The following JPT2 variants were observed in gnomAD, a reference collection of about 807,000 sequenced individuals.
JPT2 encodes Jupiter microtubule associated homolog 2.
In JPT2, 9 loss-of-function variants were observed where a neutral mutation model predicts 15.9. The observed-to-expected ratio is 0.57, with a 90% CI of 0.34 to 0.99. The LOEUF is 0.99. JPT2 is among the 50% of genes least tolerant of loss of function. JPT2 has a pLI of 0.02. For synonymous variants in JPT2, 95 were observed against 91.7 expected (o/e 1.04, Z -0.21); for missense variants, 267 against 252.1 (o/e 1.06, Z -0.40).
At position 1,693,289 on chromosome 16, in the gene JPT2, G is replaced by T. The variant is rs1235537877; in HGVS notation, c.336+1304G>T. 2.6e-5 allele frequency among the ~76,000 whole-genome samples: 4 copies of T among 152,212 alleles called. No homozygotes were observed. The East Asian group carries it at 5.8e-4, about 22-fold the overall frequency. On this transcript the variant is annotated intron_variant, in intron 3 of 4. Transcript: ENST00000248098. ...TTTTTGTATTTTTAGAAGAGACAGG[G>T]TTTCACCATGTTGGCCAGGCTGGTC...
intron 1 of JPT2, among the ~76,000 whole-genome samples, chr16:1,679,819 G>C (rs530148066): frequency 6.6e-6 from 1 of 152,112 alleles, no homozygotes; most frequent in South Asian, 2.1e-4. Flanking sequence ...CACTTGGGGA[G>C]GCCGAGGCAG....
chr16:1,697,803 T>C lies in JPT2; in HGVS notation c.337-9T>C. The stretch of plus-strand genomic sequence containing the variant: ...GTGAGTCCTGATTTGGTGGTTTGCC[T>C]TGTTGCAGGATCATGTTTTCTTATG... On this transcript the variant is annotated splice_polypyrimidine_tract_variant and intron_variant, in intron 3 of 4. Transcript: ENST00000248098. 6.2e-7 allele frequency: 1 copy of C among 1,613,796 alleles called. No homozygotes were observed. The highest frequency in any genetic ancestry group is 1.1e-5 in the South Asian group (1 of 90,946).
downstream of JPT2, chr16:1,702,163 T>A (rs1223942344): frequency 6.6e-6 from 3 of 455,970 alleles, no homozygotes; most frequent in African/African-American, 6.0e-5. Context: ...GGTAAACTTC[T>A]CAGACTGTGA....
intron 3 of JPT2, among the ~76,000 whole-genome samples, chr16:1,693,515 C>T (rs558116366): frequency 1.3e-5 from 2 of 152,306 alleles, no homozygotes; most frequent in Admixed American, 6.5e-5. Context: ...TCCTCTACTA[C>T]GTAAAGCACT....
chr16:1,693,338 C>G (rs2037117546), intron 3 of JPT2, among the ~76,000 whole-genome samples: 1 of 152,198 alleles, frequency 6.6e-6, no homozygotes, highest in African/African-American at 2.4e-5. Flanking sequence ...CTCCAGTGAT[C>G]CACCCGCTTC....
At chr16:1,683,545 C>T (rs1217591945) in intron 1 of JPT2, 3 of 1,535,464 alleles carry the variant, frequency 2.0e-6, no homozygotes, top group South Asian at 1.2e-5. Context: ...TGGCATCCAC[C>T]TCCCCCAGCC....
intron 2 of JPT2, chr16:1,689,807 T>A (rs2037092224): frequency 6.6e-6 from 1 of 152,156 alleles, no homozygotes; most frequent in African/African-American, 2.4e-5. Flanking sequence ...TTGTCCAAGG[T>A]CTCACAGTTA....
intron 3 of JPT2, among the ~76,000 whole-genome samples, chr16:1,693,000 C>G (rs1036789128): frequency 1.3e-5 from 2 of 152,218 alleles, no homozygotes; most frequent in Non-Finnish European, 2.9e-5. Flanking sequence ...CCCTACATCT[C>G]TCTTGTGCTG....
intron 1 of JPT2, among the ~76,000 whole-genome samples, chr16:1,684,046 A>G (rs930765360): frequency 6.6e-6 from 1 of 152,224 alleles, no homozygotes; most frequent in Non-Finnish European, 1.5e-5. Context: ...TATAATACCT[A>G]ATACTATGCA....
At position 1,700,002 on chromosome 16, in the gene JPT2, A is replaced by G; in HGVS notation, c.*1004A>G. 3.1e-6 allele frequency: 1 copy of G among 327,238 alleles called. No homozygotes were observed. The allele number at this position is 327,238 out of a possible 1,614,324, so 20.3% of individuals were successfully genotyped here. ...GGTTTGGATTCTTTAATAATATCTA[A>G]AAAGCTAAATTTTAAATACCAGCTT... On this transcript the variant is annotated 3_prime_UTR_variant, in exon 5 of 5. Coordinates refer to ENST00000248098, the MANE Select transcript of JPT2 (RefSeq NM_144570.3).
chr16:1,699,084 G>C lies in JPT2; in HGVS notation c.*86G>C, dbSNP rs567092059. The C allele has an allele frequency of 7.9e-6, 11 of 1,396,802 alleles. No individual in the cohort carries two copies. Among genetic ancestry groups the C allele is most frequent in the Non-Finnish European group, 1.1e-5 (11 of 995,116 alleles). The allele number at this position is 1,396,802 out of a possible 1,614,324, so 86.5% of individuals were successfully genotyped here. The stretch of plus-strand genomic sequence containing the variant: ...TTCATTTCCTTTTGCCCAAATGAGC[G>C]GGGTGGGAAGAGGGTTAGTCTTATG... On this transcript the variant is annotated 3_prime_UTR_variant, in exon 5 of 5. Transcript: ENST00000248098.
intron 3 of JPT2, among the ~76,000 whole-genome samples, chr16:1,695,222 A>G (rs1405250869): frequency 1.3e-5 from 2 of 152,112 alleles, no homozygotes; most frequent in African/African-American, 4.8e-5. Context: ...CCTGACCAAC[A>G]TGGAGAAACC....
In JPT2 at chr16:1,701,048, G is replaced by A. The variant is rs1403501618; in HGVS notation, c.*2050G>A. 6.6e-6 allele frequency: 1 copy of A among 152,230 alleles called. No homozygotes were observed. Among genetic ancestry groups the A allele is most frequent in the Non-Finnish European group, 1.5e-5 (1 of 68,056 alleles). 9.4% of individuals were successfully genotyped at this position (152,230 alleles called of 1,614,324 possible). A position where few individuals can be genotyped will look rare whatever the true frequency, so the allele number is the denominator to read the frequency against. On this transcript the variant is annotated 3_prime_UTR_variant, in exon 5 of 5. Transcript: ENST00000248098. Reference sequence around the variant, plus strand: ...TTCTTTCCCTCTGCGAGGCAGTGGGGTGGGATTCAGAGTGCTTAGTCTGCT... The same window carrying A: ...TTCTTTCCCTCTGCGAGGCAGTGGGATGGGATTCAGAGTGCTTAGTCTGCT...
At chr16:1,684,694 T>C (rs1341347351) in intron 1 of JPT2, among the ~76,000 whole-genome samples, 2 of 151,380 alleles carry the variant, frequency 1.3e-5, no homozygotes, top group Non-Finnish European at 2.9e-5. Flanking sequence ...GAGCTGAGAT[T>C]GCGCCATTGC....
chr16:1,689,145 T>G (rs2037087707), intron 2 of JPT2: 1 of 152,218 alleles, frequency 6.6e-6, no homozygotes, highest in Non-Finnish European at 1.5e-5. Flanking sequence ...ACAGTTTAAC[T>G]ATTTTTTAAA....
At chr16:1,680,743 C>G (rs887294599) in intron 1 of JPT2, among the ~76,000 whole-genome samples, 7 of 152,158 alleles carry the variant, frequency 4.6e-5, no homozygotes, top group Admixed American at 3.9e-4. Context: ...TATGCTTTAG[C>G]CGCGATTAAC....
At chr16:1,680,582 C>T (rs559948977) in intron 1 of JPT2, 46 of 992,778 alleles carry the variant, frequency 4.6e-5, no homozygotes, top group African/African-American at 8.7e-5. Flanking sequence ...GCAGGGCGGG[C>T]GCCTTGTAAG....
At chr16:1,696,608 C>T (rs1485601037) in intron 3 of JPT2, among the ~76,000 whole-genome samples, 1 of 151,718 alleles carries the variant, frequency 6.6e-6, no homozygotes, top group Admixed American at 6.6e-5. Flanking sequence ...ATCCAGAATA[C>T]ATAAAGAATG....
chr16:1,679,104 C>G (rs1364511818), intron 1 of JPT2, among the ~76,000 whole-genome samples: 1 of 152,220 alleles, frequency 6.6e-6, no homozygotes, highest in African/African-American at 2.4e-5. Flanking sequence ...TTTTAAAGCA[C>G]TCTTTGGGTA....
Sources: gnomAD v4.1 joint callset for allele counts (sites outside exome capture counted in the v4.1 genomes callset) on GRCh38, gnomAD v4.1.1 for gene constraint, MANE v1.5 for transcripts, NCBI Gene and HGNC (gene_info 2026-07-23, HGNC 2026-07-21) for gene names.